Variants in LPP observed in about 807,000 individuals in gnomAD.
The protein encoded by LPP is LIM domain containing preferred translocation partner in lipoma, also known as lipoma-preferred partner.
LPP carries 38 observed loss-of-function variants against 60.4 expected under a neutral mutation model. The observed-to-expected ratio is 0.63, with a 90% CI of 0.49 to 0.83. LPP has a LOEUF of 0.83. Ranked by LOEUF, LPP falls within the 40% of genes least tolerant of loss-of-function variation. The pLI, the probability that LPP is intolerant of heterozygous loss-of-function variation, is 0.00. For missense variants in LPP, 902 were observed against 783.6 expected (o/e 1.15, Z -1.80); for synonymous variants, 328 against 290.8 (o/e 1.13, Z -1.30).
intron 3 of LPP, among the ~76,000 whole-genome samples, chr3:188,395,653 C>T (rs1334252657): frequency 6.6e-6 from 1 of 151,886 alleles, no homozygotes; most frequent in Non-Finnish European, 1.5e-5. Flanking sequence ...AAATTACAGG[C>T]CAGGTGTGAT....
intron 3 of LPP, among the ~76,000 whole-genome samples, chr3:188,392,827 C>T (rs945935184): frequency 1.3e-5 from 2 of 152,100 alleles, no homozygotes; most frequent in African/African-American, 4.8e-5. Context: ...CCCACCCAGA[C>T]ACAAGGCAAC....
At chr3:188,194,785 T>C (rs1729073090) in intron 1 of LPP, among the ~76,000 whole-genome samples, 1 of 152,318 alleles carries the variant, frequency 6.6e-6, no homozygotes, top group East Asian at 1.9e-4. Context: ...CTTTTGTTAG[T>C]GTTTTCACTG....
intron 4 of LPP, among the ~76,000 whole-genome samples, chr3:188,440,352 GT>G (rs1029147187): frequency 2.6e-5 from 4 of 151,430 alleles, no homozygotes; most frequent in East Asian, 3.9e-4. Flanking sequence ...TATATTTAAA[GT>G]TTTTTTTTAG....
At chr3:188,475,782 A>C (rs1639047524) in intron 4 of LPP, among the ~76,000 whole-genome samples, 1 of 152,176 alleles carries the variant, frequency 6.6e-6, no homozygotes, top group South Asian at 2.1e-4. Context: ...GGGCGCCTGT[A>C]GTCCCAGCTA....
At chr3:188,426,638 G>C (rs1344335513) in intron 4 of LPP, among the ~76,000 whole-genome samples, 1 of 152,138 alleles carries the variant, frequency 6.6e-6, no homozygotes, top group Non-Finnish European at 1.5e-5. Flanking sequence ...GGGTGCTCCT[G>C]TATTGGGTGC....
At chr3:188,641,258 G>A (rs1560691198) in intron 7 of LPP, among the ~76,000 whole-genome samples, 1 of 151,440 alleles carries the variant, frequency 6.6e-6, no homozygotes, top group Non-Finnish European at 1.5e-5. Context: ...TATCTCCAAA[G>A]TACAGTGTGT....
chr3:188,241,820 A>G (rs2149473972), intron 2 of LPP, among the ~76,000 whole-genome samples: 1 of 152,326 alleles, frequency 6.6e-6, no homozygotes, highest in Non-Finnish European at 1.5e-5. Flanking sequence ...TATTTTCCCT[A>G]TAACTTCAAA....
Position 188,882,195 on chromosome 3 carries a change from G to A in LPP, c.*7716G>A, listed in dbSNP as rs1770112577. ...TCCAGTGACATTAGTAAGACTTTAT[G>A]GAGTACATAAAATTTGATAAGAAAT... On this transcript the variant is annotated 3_prime_UTR_variant, in exon 12 of 12. Transcript: ENST00000617246. 9.3e-6 allele frequency: 2 copies of A among 215,222 alleles called. No individual in the cohort carries two copies. The highest frequency in any genetic ancestry group is 1.9e-5 in the Non-Finnish European group (2 of 106,918). 13.3% of individuals were successfully genotyped at this position (215,222 alleles called of 1,614,324 possible).
intron 7 of LPP, among the ~76,000 whole-genome samples, chr3:188,654,182 C>T (rs762985628): frequency 1.3e-5 from 2 of 152,080 alleles, no homozygotes; most frequent in African/African-American, 2.4e-5. Flanking sequence ...AATTGATTTG[C>T]ACAAATACAC....
chr3:188,618,548 G>T (rs551006103), intron 7 of LPP, among the ~76,000 whole-genome samples: 1 of 152,284 alleles, frequency 6.6e-6, no homozygotes, highest in African/African-American at 2.4e-5. Flanking sequence ...AGCTGTCTGT[G>T]TTTGTATATA....
At chr3:188,641,476 G>T (rs1349788937) in intron 7 of LPP, among the ~76,000 whole-genome samples, 1 of 152,138 alleles carries the variant, frequency 6.6e-6, no homozygotes, top group Non-Finnish European at 1.5e-5. Context: ...GCAAGCACAG[G>T]TAGGAAAACA....
At chr3:188,637,321 C>G (rs1849025569) in intron 7 of LPP, among the ~76,000 whole-genome samples, 1 of 152,036 alleles carries the variant, frequency 6.6e-6, no homozygotes, top group Non-Finnish European at 1.5e-5. Flanking sequence ...CCAATGAGAA[C>G]AAAGGCACAA....
At chr3:188,278,543 T>C (rs1331472973) in intron 2 of LPP, among the ~76,000 whole-genome samples, 1 of 152,166 alleles carries the variant, frequency 6.6e-6, no homozygotes, top group African/African-American at 2.4e-5. Flanking sequence ...GGATTCATTG[T>C]TTTTCATGGT....
chr3:188,235,391 A>T (rs903044662), intron 2 of LPP, among the ~76,000 whole-genome samples: 6 of 152,068 alleles, frequency 3.9e-5, no homozygotes, highest in Non-Finnish European at 7.4e-5. Context: ...CAATCACTGC[A>T]GATGTCTAGG....
In LPP at chr3:188,229,599, T is replaced by A. The variant is rs143572087; in HGVS notation, c.-67+4072T>A. Among the ~76,000 whole-genome samples, 372 of 152,326 alleles carry A rather than the reference T, an allele frequency of 2.4e-3. 3 individuals are homozygous for A. The highest frequency in any genetic ancestry group is 0.01 in the Middle Eastern group (3 of 294). On this transcript the variant is annotated intron_variant, in intron 2 of 11. Transcript: ENST00000617246. ...AAAAATTACAAGAGGATTTGTCGGG[T>A]CTGAGCAGTGACCTATCCAGTCCCC...
chr3:188,560,819 C>T (rs1036802473), intron 6 of LPP, among the ~76,000 whole-genome samples: 1 of 152,054 alleles, frequency 6.6e-6, no homozygotes, highest in African/African-American at 2.4e-5. Flanking sequence ...GTGCATTTAC[C>T]TAATATCTGG....
intron 4 of LPP, among the ~76,000 whole-genome samples, chr3:188,454,847 C>T (rs1797377581): frequency 6.6e-6 from 1 of 152,124 alleles, no homozygotes; most frequent in Non-Finnish European, 1.5e-5. Flanking sequence ...TCCCACAACA[C>T]GTGGGAATTA....
chr3:188,372,580 T>C (rs1773597398), intron 3 of LPP, among the ~76,000 whole-genome samples: 1 of 152,068 alleles, frequency 6.6e-6, no homozygotes, highest in East Asian at 1.9e-4. Context: ...TCTCTTCTGA[T>C]TAGTGTTCCC....
At chr3:188,410,478 AAGAT>A (rs1022518382) in intron 4 of LPP, among the ~76,000 whole-genome samples, 15 of 152,234 alleles carry the variant, frequency 9.9e-5, no homozygotes, top group Admixed American at 9.2e-4. Context: ...TTTCTTTTAT[AAGAT>A]ATTCTGATAA....
Sources: allele counts gnomAD v4.1 joint callset (sites outside exome capture counted in the v4.1 genomes callset), GRCh38; gene constraint gnomAD v4.1.1; transcripts MANE v1.5; gene names NCBI Gene and HGNC (gene_info 2026-07-23, HGNC 2026-07-21).